CALD1: variants seen among roughly 807,000 people sequenced by gnomAD.
CALD1 encodes caldesmon 1, also known as caldesmon.
A neutral mutation model predicts 99.9 loss-of-function variants in CALD1; 33 were observed. The observed-to-expected ratio is 0.33, with a 90% CI of 0.25 to 0.44. The LOEUF (loss-of-function observed/expected upper bound fraction) is 0.44, where lower values mean the gene tolerates loss of function less well. Among genes scored for constraint, CALD1 ranks in the 20% least tolerant of loss-of-function variants. The pLI is 1.00. For missense variants in CALD1, 861 were observed against 962.1 expected (o/e 0.89, Z 1.39); for synonymous variants, 310 against 325.0 (o/e 0.95, Z 0.50).
chr7:134,867,571 T>G, intron 2 of CALD1, 122 bp from the exon 3 acceptor site: 1 of 457,680 alleles, frequency 2.2e-6, no homozygotes, highest in Non-Finnish European at 3.9e-6. Context: ...GGCTACCTTA[T>G]CAGCTTTCTA....
chr7:134,732,023 A>T, the CALD1 span, among the ~76,000 whole-genome samples: 1 of 152,190 alleles, frequency 6.6e-6, no homozygotes, highest in South Asian at 2.1e-4. Context: ...CTCACATCTG[A>T]TTAGTAGTCA....
Position 134,771,852 on chromosome 7 carries a change from T to G in CALD1, c.-130+27489T>G, listed in dbSNP as rs966352787. Among the ~76,000 whole-genome samples the G allele has an allele frequency of 6.6e-5, 10 of 152,322 alleles. No individual in the cohort carries two copies. The East Asian group carries it at 1.9e-3, about 29-fold the overall frequency. On this transcript the variant is annotated intron_variant, in intron 1 of 13. Coordinates refer to the CALD1 transcript ENST00000417172. ...ACTGCTTGTTCCTTGACTTTATTCA[T>G]GTCTCTGTTGAAAACCTTCTTCAGA...
At chr7:134,749,534 G>A (rs764232957) in intron 1 of CALD1, among the ~76,000 whole-genome samples, 5 of 152,160 alleles carry the variant, frequency 3.3e-5, no homozygotes, top group South Asian at 2.1e-4. Context: ...CAGGAGAATC[G>A]CTTGAACCCA....
upstream of CALD1, among the ~76,000 whole-genome samples, chr7:134,743,078 C>G (rs1796604769): frequency 6.6e-6 from 1 of 152,166 alleles, no homozygotes; most frequent in Non-Finnish European, 1.5e-5. Context: ...TCCTGGGAGG[C>G]CTTAGGGATT....
intron 2 of CALD1, among the ~76,000 whole-genome samples, chr7:134,858,162 TG>T (rs1168888575): frequency 1.3e-5 from 2 of 152,096 alleles, no homozygotes. Context: ...TGGTGATCTC[TG>T]CAGCATGTTT....
intron 2 of CALD1, among the ~76,000 whole-genome samples, chr7:134,851,020 G>A (rs1371004346): frequency 1.2e-4 from 18 of 152,146 alleles, no homozygotes; most frequent in Non-Finnish European, 2.1e-4. Context: ...CCCCAGCCAC[G>A]TGGAACTGTG....
intron 3 of CALD1, among the ~76,000 whole-genome samples, chr7:134,892,340 G>A (rs982451058): frequency 9.2e-5 from 14 of 152,134 alleles, no homozygotes; most frequent in Admixed American, 8.5e-4. Context: ...GACAACAGTC[G>A]GTAGCAAAGC....
intron 1 of CALD1, among the ~76,000 whole-genome samples, chr7:134,836,467 C>T (rs946467950): frequency 2.0e-5 from 3 of 152,116 alleles, no homozygotes; most frequent in African/African-American, 7.2e-5. Context: ...GTGGTAGTGG[C>T]AGTGGTGATG....
At chr7:134,905,939 T>A (rs1233353809) in intron 3 of CALD1, among the ~76,000 whole-genome samples, 3 of 148,652 alleles carry the variant, frequency 2.0e-5, no homozygotes, top group African/African-American at 7.5e-5. Context: ...TTTTTTTTTT[T>A]TTTTTTTGAG....
At chr7:134,807,433 G>A (rs1271928616) in intron 1 of CALD1, among the ~76,000 whole-genome samples, 4 of 152,048 alleles carry the variant, frequency 2.6e-5, no homozygotes, top group East Asian at 1.9e-4. Flanking sequence ...TTACATCTCC[G>A]ACCAGTTTCT....
At chr7:134,938,504 C>A (rs764433716) in intron 6 of CALD1, among the ~76,000 whole-genome samples, 2 of 152,122 alleles carry the variant, frequency 1.3e-5, no homozygotes, top group Non-Finnish European at 2.9e-5. Context: ...AGCACACAAA[C>A]TTTTTCAGGA....
chr7:134,921,459 TA>T (rs746948692), intron 3 of CALD1, among the ~76,000 whole-genome samples: 57 of 152,212 alleles, frequency 3.7e-4, no homozygotes, highest in Non-Finnish European at 6.6e-4. Flanking sequence ...GTGGCTATCT[TA>T]GTGTGTGTTG....
At chr7:134,861,412 T>C (rs1800558833) in intron 2 of CALD1, among the ~76,000 whole-genome samples, 1 of 152,142 alleles carries the variant, frequency 6.6e-6, no homozygotes, top group African/African-American at 2.4e-5. Flanking sequence ...CATCACTGAG[T>C]TGCAGCGATG....
chr7:134,872,007 T>C (rs1484694929), intron 3 of CALD1, among the ~76,000 whole-genome samples: 3 of 152,240 alleles, frequency 2.0e-5, no homozygotes, highest in Non-Finnish European at 4.4e-5. Flanking sequence ...GTCGTCCACA[T>C]ATCTCCTTCT....
At chr7:134,906,317 G>A (rs139131665) in intron 3 of CALD1, among the ~76,000 whole-genome samples, 2 of 152,318 alleles carry the variant, frequency 1.3e-5, no homozygotes, top group Admixed American at 6.5e-5. Flanking sequence ...CTTTGCTGTC[G>A]TGTAAAGAGC....
At chr7:134,887,768 GTGTGTATGTGTGTGCA>G (rs1369102912) in intron 3 of CALD1, among the ~76,000 whole-genome samples, 8 of 150,276 alleles carry the variant, frequency 5.3e-5, no homozygotes, top group Non-Finnish European at 1.0e-4. Context: ...ATGTGCCTGC[GTGTGTATGTGTGTGCA>G]TGTGTATGTG....
At chr7:134,828,570 A>AT (rs1210427265) in intron 1 of CALD1, among the ~76,000 whole-genome samples, 1 of 152,200 alleles carries the variant, frequency 6.6e-6, no homozygotes, top group Non-Finnish European at 1.5e-5. Flanking sequence ...GAAACCCAGC[A>AT]TTTGAGCTCT....
chr7:134,759,424 G>T (rs1796757922), intron 1 of CALD1, among the ~76,000 whole-genome samples: 1 of 152,200 alleles, frequency 6.6e-6, no homozygotes, highest in African/African-American at 2.4e-5. Flanking sequence ...AGGTTACCTA[G>T]AAGGCCAGAG....
chr7:134,911,198 CTTTTTTTTTTT>C (rs964515625), intron 3 of CALD1, among the ~76,000 whole-genome samples: 1 of 118,122 alleles, frequency 8.5e-6, no homozygotes, highest in Non-Finnish European at 1.8e-5. Flanking sequence ...TTTCCTTTTT[CTTTTTTTTTTT>C]TTTTTTTTTG....
Sources: allele counts gnomAD v4.1 joint callset (sites outside exome capture counted in the v4.1 genomes callset), GRCh38; gene constraint gnomAD v4.1.1; transcripts MANE v1.5; gene names NCBI Gene and HGNC (gene_info 2026-07-23, HGNC 2026-07-21).